The following RCBTB1 variants were observed in gnomAD, a reference collection of about 807,000 sequenced individuals.
The protein encoded by RCBTB1 is RCC1 and BTB domain-containing protein 1.
A neutral mutation model predicts 62.4 loss-of-function variants in RCBTB1; 46 were observed. That is an observed-to-expected ratio of 0.74 (90% CI 0.58 to 0.94). The LOEUF (loss-of-function observed/expected upper bound fraction) is 0.94. Ranked by LOEUF, RCBTB1 falls within the 40% of genes least tolerant of loss-of-function variation. The pLI is 0.00. For synonymous variants in RCBTB1, 222 were observed against 245.8 expected, an observed-to-expected ratio of 0.90 and a Z score of 0.91; for missense variants, 565 against 654.9, an observed-to-expected ratio of 0.86 and a Z score of 1.50.
chr13:49,561,884 G>A (rs1032936422), intron 4 of RCBTB1, among the ~76,000 whole-genome samples: 1 of 151,360 alleles, frequency 6.6e-6, no homozygotes, highest in Non-Finnish European at 1.5e-5. Flanking sequence ...TTGAGGTCAG[G>A]AGTTCAAGAC....
chr13:49,555,686 GA>G lies in RCBTB1; in HGVS notation c.445-14del. The G allele has an allele frequency of 1.3e-6, 2 of 1,536,654 alleles. No homozygotes were observed. The highest frequency in any genetic ancestry group is 2.2e-5 in the Admixed American group (1 of 45,324). ...CCCAAGCAAACACCTACAAGAGAAAGAAAAAGGAAAAGGAAAGAATAGTCAG... is the reference window on the plus strand; with the variant it reads ...CCCAAGCAAACACCTACAAGAGAAAGAAAAGGAAAAGGAAAGAATAGTCAG... On this transcript the variant is annotated splice_polypyrimidine_tract_variant and intron_variant, in intron 5 of 12. Coordinates refer to ENST00000378302, the MANE Select transcript of RCBTB1 (RefSeq NM_018191.4).
chr13:49,579,239 G>A (rs934240828), intron 2 of RCBTB1, among the ~76,000 whole-genome samples: 13 of 152,134 alleles, frequency 8.5e-5, no homozygotes, highest in African/African-American at 3.1e-4. Context: ...GCAAAGTTTC[G>A]AAGATGTGCT....
chr13:49,575,434 C>CAAA (rs34972735), intron 2 of RCBTB1, among the ~76,000 whole-genome samples: 111 of 141,368 alleles, frequency 7.9e-4, no homozygotes, highest in East Asian at 2.6e-3. Context: ...ATTGTTCTAC[C>CAAA]AAAAAAAAAA....
chr13:49,568,657 G>GC (rs1566261453), intron 2 of RCBTB1, among the ~76,000 whole-genome samples: 1 of 147,936 alleles, frequency 6.8e-6, no homozygotes, highest in East Asian at 2.0e-4. Flanking sequence ...CCGGGGGAGG[G>GC]GGGTGGCTCA....
intron 5 of RCBTB1, among the ~76,000 whole-genome samples, chr13:49,556,093 G>A (rs571172173): frequency 3.9e-5 from 6 of 152,112 alleles, no homozygotes; most frequent in African/African-American, 1.4e-4. Context: ...TAGGAAATGC[G>A]GTATATGCCA....
intron 4 of RCBTB1, among the ~76,000 whole-genome samples, chr13:49,565,805 G>A (rs1210021453): frequency 7.9e-5 from 12 of 152,108 alleles, no homozygotes; most frequent in African/African-American, 1.4e-4. Flanking sequence ...TGACGATGGC[G>A]GTTTCGTCGA....
At chr13:49,558,480 T>C (rs1324378143) in intron 5 of RCBTB1, among the ~76,000 whole-genome samples, 2 of 151,820 alleles carry the variant, frequency 1.3e-5, no homozygotes, top group African/African-American at 4.8e-5. Flanking sequence ...TCACCTGAGG[T>C]CAGGAGTTCG....
chr13:49,571,730 G>A (rs1021686521), intron 2 of RCBTB1, among the ~76,000 whole-genome samples: 1 of 152,128 alleles, frequency 6.6e-6, no homozygotes, highest in African/African-American at 2.4e-5. Flanking sequence ...TAAGGCAGCA[G>A]AGCGTAACTG....
chr13:49,548,756 A>G (rs1961044331), intron 9 of RCBTB1, among the ~76,000 whole-genome samples: 1 of 151,834 alleles, frequency 6.6e-6, no homozygotes, highest in African/African-American at 2.4e-5. Context: ...GCAAATCCAT[A>G]GAAACAAAAA....
chr13:49,543,821 A>T (rs1405161918), intron 10 of RCBTB1, among the ~76,000 whole-genome samples: 2 of 152,112 alleles, frequency 1.3e-5, no homozygotes, highest in Non-Finnish European at 2.9e-5. Context: ...GAGCAGCTGG[A>T]ACTACAGGAA....
chr13:49,585,361 G>C (rs1354113002), intron 1 of RCBTB1, 83 bp downstream of exon 1: 1 of 152,150 alleles, frequency 6.6e-6, no homozygotes, highest in African/African-American at 2.4e-5. Context: ...GGCACTCCCG[G>C]CCCGGCCTGC....
chr13:49,563,829 T>C (rs1962679487), intron 4 of RCBTB1, among the ~76,000 whole-genome samples: 1 of 152,178 alleles, frequency 6.6e-6, no homozygotes, highest in Non-Finnish European at 1.5e-5. Flanking sequence ...GAACTTGAAG[T>C]AGATTCAGTT....
intron 10 of RCBTB1, among the ~76,000 whole-genome samples, chr13:49,544,295 C>A (rs758841272): frequency 7.2e-5 from 11 of 152,046 alleles, no homozygotes; most frequent in Non-Finnish European, 1.6e-4. Flanking sequence ...CATGGAGAAA[C>A]CCCATCTCTA....
chr13:49,540,865 G>A lies in RCBTB1; in HGVS notation c.1455+11C>T. Reference sequence around the variant, plus strand: ...AAAGGTGGTCTGGTTTCTGTTTGTTGTTTAAGTTACCTCTGCATCATATCT... The same window carrying A: ...AAAGGTGGTCTGGTTTCTGTTTGTTATTTAAGTTACCTCTGCATCATATCT... On this transcript the variant is annotated intron_variant, in intron 12 of 12. Transcript: ENST00000378302. 1 of 1,610,836 alleles carries A rather than the reference G, an allele frequency of 6.2e-7. No homozygotes were observed. Among genetic ancestry groups the A allele is most frequent in the Non-Finnish European group, 8.5e-7 (1 of 1,179,124 alleles).
intron 4 of RCBTB1, among the ~76,000 whole-genome samples, chr13:49,565,108 C>T (rs1962818721): frequency 6.6e-6 from 1 of 152,210 alleles, no homozygotes; most frequent in Non-Finnish European, 1.5e-5. Context: ...TCACTGCAAC[C>T]TCCCTGCCTG....
rs372162764 is a variant in RCBTB1, at chr13:49,560,019, C to G, written c.343G>C (p.Gly115Arg). The G allele has an allele frequency of 1.2e-5, 19 of 1,614,098 alleles. No individual in the cohort carries two copies. Among genetic ancestry groups the G allele is most frequent in the Admixed American group, 1.0e-4 (6 of 60,000 alleles). ...SQLGNGTTNQ[G>R]IAPVQVCTNL... ...GTACAGACCTGGACGGGAGCAATGC[C>G]TTGGTTGGTCGTCCCATTCCCAAGC... Residue 115 changes from glycine to arginine, a missense_variant, in exon 5 of 13, where the codon GGC (glycine) becomes CGC (arginine). Gly to Arg is a moderately radical substitution (Grantham distance 125, BLOSUM62 -2). Coordinates refer to ENST00000378302, the MANE Select transcript of RCBTB1 (RefSeq NM_018191.4).
intron 6 of RCBTB1, among the ~76,000 whole-genome samples, chr13:49,553,953 T>C (rs1961621759): frequency 6.6e-6 from 1 of 152,162 alleles, no homozygotes; most frequent in Admixed American, 6.5e-5. Context: ...TCACCACAAC[T>C]CTGTCTATAA....
At chr13:49,547,825 G>A (rs539802390) in intron 9 of RCBTB1, among the ~76,000 whole-genome samples, 1 of 152,144 alleles carries the variant, frequency 6.6e-6, no homozygotes, top group African/African-American at 2.4e-5. Context: ...GTCTCGCTGT[G>A]TCACCCAGGC....
chr13:49,556,674 C>G (rs1029814307), intron 5 of RCBTB1, among the ~76,000 whole-genome samples: 1 of 152,148 alleles, frequency 6.6e-6, no homozygotes, highest in Non-Finnish European at 1.5e-5. Context: ...TGATTCTTGT[C>G]TGATGCTGGC....
Sources: gnomAD v4.1 joint callset for allele counts (sites outside exome capture counted in the v4.1 genomes callset) on GRCh38, gnomAD v4.1.1 for gene constraint, MANE v1.5 for transcripts, NCBI Gene and HGNC (gene_info 2026-07-23, HGNC 2026-07-21) for gene names.